The following VWCE variants were observed in gnomAD, a reference collection of about 807,000 sequenced individuals.
VWCE encodes the protein von Willebrand factor C and EGF domains, also known as von Willebrand factor C and EGF domain-containing protein.
In VWCE, 68 loss-of-function variants were observed where a neutral mutation model predicts 102.9. The observed-to-expected ratio is 0.66, with a 90% CI of 0.54 to 0.81. The LOEUF (loss-of-function observed/expected upper bound fraction) is 0.81. VWCE is among the 30% of genes least tolerant of loss of function. VWCE has a pLI of 0.00. For missense variants in VWCE, 1,137 were observed against 1,263.6 expected (o/e 0.90, Z 1.52); for synonymous variants, 497 against 515.4 (o/e 0.96, Z 0.48).
chr11:61,273,804 G>A (rs1253740202), intron 12 of VWCE: 1 of 162,244 alleles, frequency 6.2e-6, no homozygotes, highest in Admixed American at 5.9e-5. Context: ...GGGGAGCAGA[G>A]AGAGTCTCTA....
At chr11:61,267,880 T>C (rs557204628) in intron 15 of VWCE, among the ~76,000 whole-genome samples, 1 of 151,890 alleles carries the variant, frequency 6.6e-6, no homozygotes, top group African/African-American at 2.4e-5. Context: ...CCCCACAGCA[T>C]CTTCCCAACC....
At chr11:61,272,877 C>T (rs1196082133) in intron 13 of VWCE, among the ~76,000 whole-genome samples, 1 of 151,836 alleles carries the variant, frequency 6.6e-6, no homozygotes, top group South Asian at 2.1e-4. Context: ...TACACACACA[C>T]CCACAGAGAG....
rs1855107387 is a variant in VWCE at position 61,280,988 on chromosome 11, C to T, written c.1035G>A (p.Val345=). 1 of 1,550,130 alleles carries T rather than the reference C, an allele frequency of 6.5e-7. No homozygotes were observed. The highest frequency in any genetic ancestry group is 1.2e-5 in the South Asian group (1 of 80,050). ...GGTTCCCCAGCAGGGAGGCAGTAGGCACTGGGGTGGCCAGCAGGGTGGACA... is the reference window on the plus strand; with the variant it reads ...GGTTCCCCAGCAGGGAGGCAGTAGGTACTGGGGTGGCCAGCAGGGTGGACA... ...WLLSTLLATP[V]PTASLLGNLR... The change falls in exon 8 of 20, where the codon GTG becomes GTA. Residue 345 remains valine (V), a synonymous_variant. Transcript: ENST00000335613.
intron 5 of VWCE, among the ~76,000 whole-genome samples, chr11:61,285,175 C>T (rs1027792964): frequency 3.9e-5 from 6 of 152,002 alleles, no homozygotes; most frequent in East Asian, 1.9e-4. Context: ...CAGACTAAGA[C>T]GCGCAGGCTA....
chr11:61,294,280 C>T lies in VWCE; in HGVS notation c.110+648G>A, dbSNP rs143925953. On this transcript the variant is annotated intron_variant, in intron 1 of 19. Transcript: ENST00000335613. The surrounding 1 kb of genome is among the most constrained non-coding windows in gnomAD (Gnocchi z 6.3). Reference sequence around the variant, plus strand: ...CCCCCGCTGCGCGCCCCCCGGAGGACGTGGCCGCGGGCCAGGCCGCCTGCT... The same window carrying T: ...CCCCCGCTGCGCGCCCCCCGGAGGATGTGGCCGCGGGCCAGGCCGCCTGCT... Among the ~76,000 whole-genome samples, 479 of 152,276 alleles carry T rather than the reference C, an allele frequency of 3.1e-3. 1 individual carries two copies. The highest frequency in any genetic ancestry group is 6.8e-3 in the Middle Eastern group (2 of 294).
chr11:61,276,882 TG>T (rs1854936809), intron 10 of VWCE, among the ~76,000 whole-genome samples: 1 of 23,262 alleles, frequency 4.3e-5, no homozygotes, highest in African/African-American at 2.0e-4. Context: ...AGAGGAGGGA[TG>T]GGGGGAGGGG....
chr11:61,258,809 G>A lies in VWCE; in HGVS notation c.2734C>T (p.Pro912Ser). 6.6e-7 allele frequency: 1 copy of A among 1,505,174 alleles called. No individual in the cohort carries two copies. The highest frequency in any genetic ancestry group is 8.9e-7 in the Non-Finnish European group (1 of 1,128,700). 93.2% of individuals were successfully genotyped at this position (1,505,174 alleles called of 1,614,324 possible). Residue 912 changes from proline to serine, a missense_variant, in exon 20 of 20, where the codon CCC becomes TCC. By Grantham distance (74) the Pro-to-Ser change is moderately conservative. This residue lies in a region of VWCE where 316 missense variants were observed against 319.3 expected (regional missense o/e 0.99). Transcript: ENST00000335613. ...ACGCGAGGCCCGAGGAGGGTGATGG[G>A]GGTCTTCGAGGGGCTGGGGTCCATC... ...SMMDPSPSKT[P>S]ITLLGPRVLS...
chr11:61,267,151 G>A (rs1184654961), intron 16 of VWCE, among the ~76,000 whole-genome samples: 1 of 152,130 alleles, frequency 6.6e-6, no homozygotes, highest in Non-Finnish European at 1.5e-5. Context: ...CCAGCTACTT[G>A]GGAGGCTGAC....
At position 61,271,533 on chromosome 11, in the gene VWCE, T is replaced by C; in HGVS notation, c.1785+142A>G. 4 of 726,494 alleles carry C rather than the reference T, an allele frequency of 5.5e-6. No homozygotes were observed. In the South Asian group the frequency reaches 6.6e-5, roughly 12 times the overall value. The allele number at this position is 726,494 out of a possible 1,614,324, so 45.0% of individuals were successfully genotyped here. A position where few individuals can be genotyped will look rare whatever the true frequency, so the allele number is the denominator to read the frequency against. On this transcript the variant is annotated intron_variant, in intron 14 of 19. Coordinates refer to ENST00000335613, the MANE Select transcript of VWCE (RefSeq NM_152718.2). The stretch of plus-strand genomic sequence containing the variant: ...AGGATAAACTCGGTCCAACCCTTTT[T>C]GTGAAAGTGGAACTTGACAGCACCG...
In VWCE at chr11:61,271,509, G is replaced by T. The variant is rs1565220469; in HGVS notation, c.1785+166C>A. 4.8e-6 allele frequency: 3 copies of T among 620,810 alleles called. No individual in the cohort carries two copies. In the East Asian group the frequency reaches 9.0e-5, roughly 19 times the overall value. 38.5% of individuals were successfully genotyped at this position (620,810 alleles called of 1,614,324 possible). A position where few individuals can be genotyped will look rare whatever the true frequency, so the allele number is the denominator to read the frequency against. On this transcript the variant is annotated intron_variant, in intron 14 of 19. Transcript: ENST00000335613. ...CGTCCTCACACATCTACTGAGAGCA[G>T]GATAAACTCGGTCCAACCCTTTTTG...
chr11:61,271,913 T>A (rs563614841), intron 13 of VWCE, among the ~76,000 whole-genome samples, 153 bp from the exon 14 acceptor site: 3 of 152,074 alleles, frequency 2.0e-5, no homozygotes, highest in East Asian at 1.9e-4. Flanking sequence ...AATGCACACT[T>A]ACACAGATAC....
chr11:61,292,708 C>G (rs1048325640), intron 1 of VWCE, among the ~76,000 whole-genome samples: 2 of 152,202 alleles, frequency 1.3e-5, no homozygotes, highest in African/African-American at 2.4e-5. Flanking sequence ...AAACAAACTA[C>G]TGCCCCCACC....
intron 11 of VWCE, 82 bp downstream of exon 11, chr11:61,276,511 C>T: frequency 9.0e-7 from 1 of 1,105,044 alleles, no homozygotes; most frequent in Non-Finnish European, 1.2e-6. Flanking sequence ...TGAGGCTCAA[C>T]ACCAGCCTGG....
intron 4 of VWCE, among the ~76,000 whole-genome samples, chr11:61,286,850 C>T (rs758554043): frequency 1.1e-4 from 16 of 151,924 alleles, no homozygotes; most frequent in Non-Finnish European, 2.2e-4. Flanking sequence ...GTAATCCCAG[C>T]TCATTGGGAG....
At chr11:61,283,963 A>G (rs1012330460) in intron 5 of VWCE, among the ~76,000 whole-genome samples, 4 of 152,242 alleles carry the variant, frequency 2.6e-5, no homozygotes, top group African/African-American at 7.2e-5. Context: ...CTGCAGAGTC[A>G]GCAGTTAAAA....
chr11:61,279,810 C>T (rs1238699898), intron 9 of VWCE, among the ~76,000 whole-genome samples: 1 of 152,092 alleles, frequency 6.6e-6, no homozygotes, highest in Non-Finnish European at 1.5e-5. Context: ...ACTGCAGCCT[C>T]GACCTCCTGA....
In VWCE at chr11:61,281,047, G is replaced by C. The variant is rs1422815969; in HGVS notation, c.976C>G (p.Pro326Ala). The C allele has an allele frequency of 6.3e-7, 1 of 1,591,210 alleles. No homozygotes were observed. The highest frequency in any genetic ancestry group is 8.6e-7 in the Non-Finnish European group (1 of 1,168,474). Residue 326 changes from proline (P) to alanine (A), a missense_variant, in exon 8 of 20, where the codon CCC (proline) becomes GCC (alanine). Coordinates refer to ENST00000335613, the MANE Select transcript of VWCE (RefSeq NM_152718.2). ...TRLPSPTPRL[P>A]TSSPSAPVWL... ...ACAGGGGCAGAAGGGGAGGATGTGG[G>C]TAGTCGTGGGGTGGGAGATGGCAGG...
intron 13 of VWCE, among the ~76,000 whole-genome samples, chr11:61,271,975 G>A (rs1267972445): frequency 6.6e-6 from 1 of 151,882 alleles, no homozygotes; most frequent in Non-Finnish European, 1.5e-5. Context: ...AAATATACAT[G>A]TACACACAGA....
At chr11:61,288,566 A>G (rs975281533) in intron 4 of VWCE, among the ~76,000 whole-genome samples, 3 of 152,202 alleles carry the variant, frequency 2.0e-5, no homozygotes, top group African/African-American at 7.2e-5. Flanking sequence ...TCTCGTGGCT[A>G]CAGTCAGTGC....
Sources: gnomAD v4.1 joint callset for allele counts (sites outside exome capture counted in the v4.1 genomes callset) on GRCh38, gnomAD v4.1.1 for gene constraint, gnomAD v4.1.1 regional missense constraint, Gnocchi (gnomAD v3.1) non-coding constraint, MANE v1.5 for transcripts, NCBI Gene and HGNC (gene_info 2026-07-23, HGNC 2026-07-21) for gene names.